Variants in ROS1 observed in about 807,000 individuals in gnomAD.
ROS1 encodes the protein proto-oncogene tyrosine-protein kinase ROS.
A neutral mutation model predicts 273.5 loss-of-function variants in ROS1; 263 were observed. The ratio of observed to expected loss-of-function variants is 0.96; its 90% CI spans 0.87 to 1.06. The LOEUF (loss-of-function observed/expected upper bound fraction) is 1.06. Among genes scored for constraint, ROS1 ranks in the 50% least tolerant of loss-of-function variants. ROS1 has a pLI of 0.00. For missense variants in ROS1, 2,833 were observed against 2,751.1 expected, an observed-to-expected ratio of 1.03 and a Z score of -0.67; for synonymous variants, 1,008 against 954.1, an observed-to-expected ratio of 1.06 and a Z score of -1.04.
At chr6:117,321,557 T>C (rs1776294098) in intron 35 of ROS1, among the ~76,000 whole-genome samples, 163 bp from the exon 36 acceptor site, 1 of 152,164 alleles carries the variant, frequency 6.6e-6, no homozygotes, top group South Asian at 2.1e-4. Context: ...TATAAAAAAC[T>C]AATTAAATCC....
chr6:117,402,048 C>T lies in ROS1; in HGVS notation c.604+1091G>A, dbSNP rs187056659. 2.0e-5 allele frequency among the ~76,000 whole-genome samples: 3 copies of T among 152,236 alleles called. No individual in the cohort carries two copies. The East Asian group carries it at 5.8e-4, about 29-fold the overall frequency. ...CCAGAGTTCATTCTCCATACAGCAG[C>T]CAGTTTTCCTTTTAATGTATAAGGC... On this transcript the variant is annotated intron_variant, in intron 7 of 43. Transcript: ENST00000368507.
At chr6:117,316,746 A>T (rs1367188057) in intron 39 of ROS1, among the ~76,000 whole-genome samples, 1 of 152,160 alleles carries the variant, frequency 6.6e-6, no homozygotes, top group African/African-American at 2.4e-5. Context: ...CCAAAAAGAT[A>T]TGTCAACTAG....
At chr6:117,324,699 T>C (rs1776517013) in intron 34 of ROS1, among the ~76,000 whole-genome samples, 1 of 152,168 alleles carries the variant, frequency 6.6e-6, no homozygotes, top group Non-Finnish European at 1.5e-5. Flanking sequence ...ATATATATCT[T>C]TTTAATAAAT....
chr6:117,318,230 T>C lies in ROS1; in HGVS notation c.5945A>G (p.Asp1982Gly), dbSNP rs745485549. Residue 1982 changes from aspartate to glycine, a missense_variant, in exon 38 of 44, where the codon GAC becomes GGC. Physicochemically the swap from Asp to Gly is moderately conservative, Grantham distance 94. Transcript: ENST00000368507. Reference protein sequence around the residue: ...AVKTLKKGSTDQEKIEFLKEA... With the variant: ...AVKTLKKGSTGQEKIEFLKEA... Reference sequence around the variant, plus strand: ...CTTCAGGAATTCAATCTTCTCCTGGTCTGTGGAACCCTTCTTCAAAGTCTA... The same window carrying C: ...CTTCAGGAATTCAATCTTCTCCTGGCCTGTGGAACCCTTCTTCAAAGTCTA... 5 of 1,612,818 alleles carry C rather than the reference T, an allele frequency of 3.1e-6. No homozygotes were observed. The South Asian group carries it at 5.5e-5, about 18-fold the overall frequency.
chr6:117,328,862 G>A (rs2128591292), intron 33 of ROS1: 1 of 612,968 alleles, frequency 1.6e-6, no homozygotes. Flanking sequence ...ACAGAATCCT[G>A]TGTGACCTCT....
chr6:117,403,212 C>T lies in ROS1; in HGVS notation c.531G>A (p.Val177=), dbSNP rs1469079430. 6.2e-7 allele frequency: 1 copy of T among 1,612,012 alleles called. No homozygotes were observed. Among genetic ancestry groups the T allele is most frequent in the African/African-American group, 1.3e-5 (1 of 74,726 alleles). The change falls in exon 7 of 44, where the codon GTG becomes GTA. Residue 177 remains valine (V), a synonymous_variant. Coordinates refer to ENST00000368507, the MANE Select transcript of ROS1 (RefSeq NM_001378902.1). ...GCAGCTGCGCTGTGAAGATCCAAAC[C>T]ACTCGGAAAATGTACTCAGTGAAGG... ...LHPFTEYIFR[V]VWIFTAQLQL...
intron 39 of ROS1, 24 bp downstream of exon 39, chr6:117,317,119 A>G (rs1214297752): frequency 2.4e-5 from 39 of 1,603,202 alleles, no homozygotes; most frequent in Non-Finnish European, 3.1e-5. Flanking sequence ...TATGAAACCA[A>G]TATTATGGAT....
At chr6:117,340,346 A>G (rs1278564010) in intron 31 of ROS1, among the ~76,000 whole-genome samples, 1 of 152,154 alleles carries the variant, frequency 6.6e-6, no homozygotes, top group African/African-American at 2.4e-5. Flanking sequence ...GAATAACTGC[A>G]TTTTAAGAAG....
intron 18 of ROS1, among the ~76,000 whole-genome samples, chr6:117,366,566 T>G (rs1158125883): frequency 6.6e-6 from 1 of 152,112 alleles, no homozygotes; most frequent in Non-Finnish European, 1.5e-5. Context: ...CAAGCTGGAG[T>G]GCAGTGGCAT....
chr6:117,337,753 C>T (rs958194628), intron 31 of ROS1, among the ~76,000 whole-genome samples: 3 of 151,994 alleles, frequency 2.0e-5, no homozygotes, highest in Non-Finnish European at 2.9e-5. Context: ...AATTTCATAG[C>T]AATAATATTT....
At position 117,393,340 on chromosome 6, in the gene ROS1, T is replaced by A. The variant is rs371365182; in HGVS notation, c.1192-19A>T. On this transcript the variant is annotated intron_variant, in intron 11 of 43. Coordinates refer to ENST00000368507, the MANE Select transcript of ROS1 (RefSeq NM_001378902.1). Reference sequence around the variant, plus strand: ...CACATACCTAAAAAAATAAAAAATATACCGGTAGGATTAGCATCTGTCTAT... The same window carrying A: ...CACATACCTAAAAAAATAAAAAATAAACCGGTAGGATTAGCATCTGTCTAT... 2.8e-5 allele frequency: 40 copies of A among 1,429,596 alleles called. No homozygotes were observed. The highest frequency in any genetic ancestry group is 1.4e-4 in the Admixed American group (8 of 59,148). The allele number at this position is 1,429,596 out of a possible 1,614,324, so 88.6% of individuals were successfully genotyped here. A position where few individuals can be genotyped will look rare whatever the true frequency, so the allele number is the denominator to read the frequency against.
At chr6:117,392,566 T>G (rs1773152906) in intron 12 of ROS1, among the ~76,000 whole-genome samples, 1 of 152,250 alleles carries the variant, frequency 6.6e-6, no homozygotes, top group South Asian at 2.1e-4. Context: ...TACCTCATTT[T>G]GTCTTCAAAA....
At chr6:117,341,748 A>C (rs1360447218) in intron 29 of ROS1, 116 bp from the exon 30 acceptor site, 5 of 714,672 alleles carry the variant, frequency 7.0e-6, no homozygotes, top group African/African-American at 1.8e-5. Flanking sequence ...TAAATAACAC[A>C]TGTCCAGAAA....
chr6:117,313,340 A>C (rs1775681051), intron 39 of ROS1, among the ~76,000 whole-genome samples: 1 of 152,132 alleles, frequency 6.6e-6, no homozygotes, highest in Non-Finnish European at 1.5e-5. Context: ...CAAGGCAGGC[A>C]GATTACTTGA....
chr6:117,378,886 T>A (rs1456661857), intron 18 of ROS1, among the ~76,000 whole-genome samples, 173 bp downstream of exon 18: 1 of 152,184 alleles, frequency 6.6e-6, no homozygotes, highest in Non-Finnish European at 1.5e-5. Context: ...GCACTTACCA[T>A]ATTCTACTGT....
At chr6:117,375,449 A>T (rs888425108) in intron 18 of ROS1, among the ~76,000 whole-genome samples, 6 of 152,168 alleles carry the variant, frequency 3.9e-5, no homozygotes, top group Admixed American at 3.9e-4. Flanking sequence ...AATTAAATAA[A>T]TTTTTTAAAA....
At chr6:117,425,471 T>C (rs2128753128) in intron 1 of ROS1, 63 bp downstream of exon 1, 1 of 1,483,780 alleles carries the variant, frequency 6.7e-7, no homozygotes, top group Non-Finnish European at 9.0e-7. Flanking sequence ...CTATCAGTTA[T>C]AACAAGCTGA....
chr6:117,357,725 C>T (rs1779441898), intron 25 of ROS1, 79 bp downstream of exon 25: 6 of 957,984 alleles, frequency 6.3e-6, no homozygotes, highest in Non-Finnish European at 9.3e-6. Flanking sequence ...TTGTCTTCTA[C>T]TATTAAACCA....
chr6:117,400,095 A>G (rs1562366814), intron 7 of ROS1, among the ~76,000 whole-genome samples: 1 of 152,210 alleles, frequency 6.6e-6, no homozygotes. Context: ...CTTCCAGCAG[A>G]TGGCATACTG....
Sources: allele counts gnomAD v4.1 joint callset (sites outside exome capture counted in the v4.1 genomes callset), GRCh38; gene constraint gnomAD v4.1.1; transcripts MANE v1.5; gene names NCBI Gene and HGNC (gene_info 2026-07-23, HGNC 2026-07-21).